The following C8orf34 variants were observed in gnomAD, a reference collection of about 807,000 sequenced individuals.
C8orf34 encodes chromosome 8 open reading frame 34, also known as uncharacterized protein C8orf34.
In C8orf34, 65 loss-of-function variants were observed where a neutral mutation model predicts 68.3. The observed-to-expected ratio is 0.95, with a 90% CI of 0.78 to 1.17. The LOEUF (loss-of-function observed/expected upper bound fraction) is 1.17. Among genes scored for constraint, C8orf34 ranks in the 50% most tolerant of loss-of-function variants. The pLI is 0.00. For missense variants in C8orf34, 664 were observed against 655.4 expected, an observed-to-expected ratio of 1.01 and a Z score of -0.14; for synonymous variants, 244 against 241.2, an observed-to-expected ratio of 1.01 and a Z score of -0.11.
intron 1 of C8orf34, among the ~76,000 whole-genome samples, chr8:68,417,701 T>C (rs996316763): frequency 5.1e-4 from 77 of 152,098 alleles, no homozygotes; most frequent in African/African-American, 1.8e-3. Flanking sequence ...AAAGAAAATA[T>C]CTGTTCAGTT....
chr8:68,468,576 A>G (rs1399446027), intron 3 of C8orf34, 116 bp from the exon 4 acceptor site: 4 of 991,296 alleles, frequency 4.0e-6, no homozygotes, highest in East Asian at 3.0e-5. Context: ...CATCTTCAAG[A>G]TAAACACTTT....
intron 8 of C8orf34, among the ~76,000 whole-genome samples, chr8:68,703,474 A>G (rs1821076488): frequency 1.3e-5 from 2 of 152,014 alleles, no homozygotes; most frequent in South Asian, 4.1e-4. Context: ...CCATGCTTCA[A>G]GGTGGGACAA....
chr8:68,562,462 T>C (rs1816461933), intron 7 of C8orf34, among the ~76,000 whole-genome samples: 1 of 152,222 alleles, frequency 6.6e-6, no homozygotes, highest in African/African-American at 2.4e-5. Context: ...GCTGGCATTG[T>C]GTTAGACACC....
chr8:68,554,763 A>C (rs1283933924), intron 7 of C8orf34, among the ~76,000 whole-genome samples: 1 of 152,148 alleles, frequency 6.6e-6, no homozygotes, highest in Non-Finnish European at 1.5e-5. Context: ...ACAAAGGCAA[A>C]TGTCTAGTCA....
intron 10 of C8orf34, among the ~76,000 whole-genome samples, chr8:68,728,597 A>G (rs1821898238): frequency 6.6e-6 from 1 of 152,228 alleles, no homozygotes. Context: ...TGGCAGTGGC[A>G]AGAGAAAATA....
chr8:68,708,880 T>G, intron 8 of C8orf34, 114 bp from the exon 9 acceptor site: 3 of 738,510 alleles, frequency 4.1e-6, no homozygotes, highest in Non-Finnish European at 2.3e-6. Context: ...ATTTTGAACA[T>G]GCATATCTGA....
intron 2 of C8orf34, among the ~76,000 whole-genome samples, chr8:68,440,221 T>C (rs1333433337): frequency 6.6e-6 from 1 of 152,210 alleles, no homozygotes; most frequent in East Asian, 1.9e-4. Flanking sequence ...TAAAATGTGT[T>C]TACACATTGG....
At chr8:68,606,177 A>T (rs1317885946) in intron 7 of C8orf34, among the ~76,000 whole-genome samples, 5 of 152,152 alleles carry the variant, frequency 3.3e-5, no homozygotes, top group Non-Finnish European at 5.9e-5. Flanking sequence ...ATTTGTAATT[A>T]ATTCTCTTAT....
At chr8:68,368,177 A>G (rs1807396758) in intron 1 of C8orf34, among the ~76,000 whole-genome samples, 1 of 152,116 alleles carries the variant, frequency 6.6e-6, no homozygotes, top group African/African-American at 2.4e-5. Context: ...CTGAAATTGC[A>G]CCGGAAAGTA....
chr8:68,531,575 A>G (rs1356451924), intron 6 of C8orf34, among the ~76,000 whole-genome samples: 1 of 152,130 alleles, frequency 6.6e-6, no homozygotes, highest in East Asian at 1.9e-4. Context: ...CATAATGTCA[A>G]TTTGTCCAGT....
At chr8:68,576,603 T>C (rs561587540) in intron 7 of C8orf34, among the ~76,000 whole-genome samples, 2 of 148,784 alleles carry the variant, frequency 1.3e-5, no homozygotes, top group South Asian at 2.1e-4. Flanking sequence ...ATATTAATGG[T>C]GAAAATTTAC....
At chr8:68,429,983 G>T (rs571245774) in intron 1 of C8orf34, among the ~76,000 whole-genome samples, 2 of 152,134 alleles carry the variant, frequency 1.3e-5, no homozygotes, top group South Asian at 2.1e-4. Flanking sequence ...TTCGAATGAG[G>T]TGACTTGTCA....
chr8:68,342,380 T>C (rs1359229608), intron 1 of C8orf34, among the ~76,000 whole-genome samples: 1 of 152,166 alleles, frequency 6.6e-6, no homozygotes, highest in East Asian at 1.9e-4. Context: ...TGAAAGACTG[T>C]ATTAAAAAGA....
chr8:68,408,197 G>C (rs2591015), intron 1 of C8orf34, among the ~76,000 whole-genome samples: 81,729 of 151,320 alleles, frequency 0.54, 22,497 homozygotes, highest in Non-Finnish European at 0.61. Context: ...TAGGTTACAT[G>C]CTCCTTATGA....
chr8:68,528,770 C>T (rs770623123), intron 6 of C8orf34, among the ~76,000 whole-genome samples: 1 of 152,206 alleles, frequency 6.6e-6, no homozygotes, highest in Non-Finnish European at 1.5e-5. Flanking sequence ...CCCCAATCTC[C>T]AAAACTTTTC....
intron 5 of C8orf34, among the ~76,000 whole-genome samples, chr8:68,515,489 C>A (rs900822672): frequency 6.6e-6 from 1 of 151,876 alleles, no homozygotes; most frequent in African/African-American, 2.4e-5. Flanking sequence ...CGTTAACCAT[C>A]TTAAAGCAGT....
In C8orf34 at chr8:68,522,102, A is replaced by C; in HGVS notation, c.938+131A>C. 5.7e-6 allele frequency: 4 copies of C among 705,932 alleles called. No individual in the cohort carries two copies. The South Asian group carries it at 1.1e-4, about 20-fold the overall frequency. The allele number at this position is 705,932 out of a possible 1,614,324, so 43.7% of individuals were successfully genotyped here. Reference sequence around the variant, plus strand: ...TATAGAAAATTATGTTAGTCTATACATAGGATAAAAACATCAATTGCTGTC... The same window carrying C: ...TATAGAAAATTATGTTAGTCTATACCTAGGATAAAAACATCAATTGCTGTC... On this transcript the variant is annotated intron_variant, in intron 6 of 13. Coordinates refer to ENST00000518698, the MANE Select transcript of C8orf34 (RefSeq NM_052958.4).
Position 68,439,542 on chromosome 8 carries a change from T to A in C8orf34, c.371T>A (p.Ile124Asn). The A allele has an allele frequency of 1.2e-6, 2 of 1,613,754 alleles. No homozygotes were observed. Among genetic ancestry groups the A allele is most frequent in the Non-Finnish European group, 1.7e-6 (2 of 1,179,786 alleles). ...KLITETPDQP[I>N]PFLIDHLQSK... ...ATAACTGAGACACCTGACCAGCCAATCCCATTTCTCATTGACCATCTTCAG... is the reference window on the plus strand; with the variant it reads ...ATAACTGAGACACCTGACCAGCCAAACCCATTTCTCATTGACCATCTTCAG... The change falls in exon 2 of 14, where the codon ATC becomes AAC. Residue 124 changes from isoleucine (I) to asparagine (N), a missense_variant. Physicochemically the swap from Ile to Asn is moderately radical, Grantham distance 149 (BLOSUM62 -3). Coordinates refer to ENST00000518698, the MANE Select transcript of C8orf34 (RefSeq NM_052958.4).
At position 68,818,269 on chromosome 8, in the gene C8orf34, T is replaced by C; in HGVS notation, c.*23T>C. 1.2e-6 allele frequency: 2 copies of C among 1,611,572 alleles called. No individual in the cohort carries two copies. The highest frequency in any genetic ancestry group is 2.2e-5 in the South Asian group (2 of 90,920). On this transcript the variant is annotated 3_prime_UTR_variant, in exon 14 of 14. Transcript: ENST00000518698. ...TGAAACAGAGAGAAGAAGTTGCAAG[T>C]GGTCCTTAAAGAAATGCAGTTATTC...
Sources: gnomAD v4.1 joint callset for allele counts (sites outside exome capture counted in the v4.1 genomes callset) on GRCh38, gnomAD v4.1.1 for gene constraint, MANE v1.5 for transcripts, NCBI Gene and HGNC (gene_info 2026-07-23, HGNC 2026-07-21) for gene names.